The following RORA variants were observed in gnomAD, a reference collection of about 807,000 sequenced individuals.
RORA encodes the protein nuclear receptor ROR-alpha.
Under a neutral mutation model 69.5 loss-of-function variants are expected in RORA, and 7 were observed. That is an observed-to-expected ratio of 0.10 (90% CI 0.06 to 0.19). The LOEUF is 0.19. Ranked by LOEUF, RORA falls within the 10% of genes least tolerant of loss-of-function variation. The pLI, the probability that RORA is intolerant of heterozygous loss-of-function variation, is 1.00. For missense variants in RORA, 457 were observed against 663.0 expected (o/e 0.69, Z 3.41); for synonymous variants, 261 against 240.8 (o/e 1.08, Z -0.78).
rs111395193 is a variant in RORA at position 60,924,500 on chromosome 15, C to A, written c.167-245814G>T. ...TATTTATAAGTGAATATATTTCTTA[C>A]GTGCCTGTAATCATACTTCTGCTCA... On this transcript the variant is annotated intron_variant, in intron 1 of 10. Coordinates refer to ENST00000335670, the MANE Select transcript of RORA (RefSeq NM_134261.3). Among the ~76,000 whole-genome samples the A allele has an allele frequency of 2.0e-5, 3 of 151,564 alleles. No individual in the cohort carries two copies. The East Asian group carries it at 5.8e-4, about 29-fold the overall frequency.
chr15:60,748,047 C>G (rs1401662952), intron 1 of RORA, among the ~76,000 whole-genome samples: 1 of 152,060 alleles, frequency 6.6e-6, no homozygotes, highest in African/African-American at 2.4e-5. Context: ...ACTTGCTCGC[C>G]CCATGGTCTT....
intron 1 of RORA, among the ~76,000 whole-genome samples, chr15:61,083,554 A>G (rs887650908): frequency 6.6e-6 from 1 of 152,056 alleles, no homozygotes; most frequent in African/African-American, 2.4e-5. Context: ...AGCCCAATTT[A>G]AACAGACCCA....
intron 1 of RORA, among the ~76,000 whole-genome samples, chr15:61,104,054 A>C (rs1242524812): frequency 2.0e-5 from 3 of 152,214 alleles, no homozygotes; most frequent in African/African-American, 7.2e-5. Flanking sequence ...TAGATAAACA[A>C]GGCTGCATTT....
intron 1 of RORA, among the ~76,000 whole-genome samples, chr15:60,785,699 C>T (rs956077987): frequency 2.0e-5 from 3 of 152,242 alleles, no homozygotes; most frequent in Non-Finnish European, 4.4e-5. Context: ...CCTCTATCCA[C>T]AGGACCTTTG....
chr15:60,963,514 A>C (rs1893470041), intron 1 of RORA, among the ~76,000 whole-genome samples: 1 of 152,198 alleles, frequency 6.6e-6, no homozygotes, highest in Non-Finnish European at 1.5e-5. Context: ...GGTGGAAAGG[A>C]TGCTGGCATT....
Position 60,628,608 on chromosome 15 carries a change from TTAAA to T in RORA, c.196+50045_196+50048del, listed in dbSNP as rs558197571. On this transcript the variant is annotated intron_variant, in intron 2 of 10. Transcript: ENST00000335670. ...GTTATTTTTAAACACCAGCACTGAA[TTAAA>T]TACCCAGCAGGTACCACCTAGCACA... 3.2e-3 allele frequency among the ~76,000 whole-genome samples: 482 copies of T among 152,322 alleles called. 2 individuals are homozygous for T. Among genetic ancestry groups the T allele is most frequent in the Middle Eastern group, 0.01 (3 of 294 alleles).
intron 2 of RORA, among the ~76,000 whole-genome samples, chr15:60,539,698 ACCAC>A (rs1480230080): frequency 2.6e-5 from 4 of 152,174 alleles, no homozygotes; most frequent in Non-Finnish European, 1.5e-5. Flanking sequence ...AATAAATGAT[ACCAC>A]CAGGATCAGC....
At chr15:61,007,791 AC>A (rs1431780702) in intron 1 of RORA, among the ~76,000 whole-genome samples, 1 of 148,040 alleles carries the variant, frequency 6.8e-6, no homozygotes, top group Non-Finnish European at 1.5e-5. Flanking sequence ...TATATATTTA[AC>A]ATTAGGCTGT....
At chr15:60,971,115 A>C (rs1384013220) in intron 1 of RORA, among the ~76,000 whole-genome samples, 1 of 152,226 alleles carries the variant, frequency 6.6e-6, no homozygotes, top group East Asian at 1.9e-4. Context: ...AAATATGAAG[A>C]GTCCAAAATG....
chr15:61,132,440 T>C (rs999583492), intron 1 of RORA, among the ~76,000 whole-genome samples: 1 of 152,224 alleles, frequency 6.6e-6, no homozygotes, highest in Non-Finnish European at 1.5e-5. Context: ...CCCGATTTTA[T>C]AGGCATTACA....
At chr15:61,161,499 G>T (rs1435230558) in intron 1 of RORA, among the ~76,000 whole-genome samples, 1 of 152,060 alleles carries the variant, frequency 6.6e-6, no homozygotes, top group Non-Finnish European at 1.5e-5. Flanking sequence ...AGACTGGCTG[G>T]GAGAACGTAA....
chr15:60,808,406 A>T (rs904817422), intron 1 of RORA, among the ~76,000 whole-genome samples: 11 of 152,142 alleles, frequency 7.2e-5, no homozygotes, highest in South Asian at 2.1e-4. Flanking sequence ...AAAAAAATTT[A>T]AAAAATAGAT....
chr15:60,787,557 T>C (rs773781845), intron 1 of RORA, among the ~76,000 whole-genome samples: 3 of 152,198 alleles, frequency 2.0e-5, no homozygotes, highest in East Asian at 1.9e-4. Context: ...AAGGGATACA[T>C]ACAATTGTTC....
chr15:60,618,722 C>T (rs1187614919), intron 2 of RORA, among the ~76,000 whole-genome samples: 1 of 152,120 alleles, frequency 6.6e-6, no homozygotes, highest in Non-Finnish European at 1.5e-5. Context: ...TTGAGTTTTA[C>T]CTCTTAAAGA....
In RORA at chr15:60,540,569, C is replaced by CA. The variant is rs1567071330; in HGVS notation, c.197-8719_197-8718insT. Among the ~76,000 whole-genome samples, 13 of 62,576 alleles carry CA rather than the reference C, an allele frequency of 2.1e-4. No individual in the cohort carries two copies. The South Asian group carries it at 0.015, about 73-fold the overall frequency. The allele number at this position is 62,576 out of a possible 152,430, so 41.1% of individuals were successfully genotyped here. A position where few individuals can be genotyped will look rare whatever the true frequency, so the allele number is the denominator to read the frequency against. ...CCACCTGCACAATTTCCATGACCCC[C>CA]CCCCCCCAAAACTGTGCGGTCACAA... On this transcript the variant is annotated intron_variant, in intron 2 of 10. Coordinates refer to ENST00000335670, the MANE Select transcript of RORA (RefSeq NM_134261.3).
chr15:61,015,573 A>G (rs1331313146), intron 1 of RORA, among the ~76,000 whole-genome samples: 2 of 152,220 alleles, frequency 1.3e-5, no homozygotes, highest in South Asian at 4.1e-4. Flanking sequence ...TGAAGTTATT[A>G]TGTAGAAGAC....
chr15:60,902,083 A>G (rs1190832258), intron 1 of RORA, among the ~76,000 whole-genome samples: 5 of 152,228 alleles, frequency 3.3e-5, no homozygotes, highest in African/African-American at 4.8e-5. Context: ...TATGAATTAG[A>G]CAATATTATA....
At chr15:61,192,438 C>T (rs2079809379) in intron 1 of RORA, among the ~76,000 whole-genome samples, 1 of 152,170 alleles carries the variant, frequency 6.6e-6, no homozygotes, top group Admixed American at 6.5e-5. Context: ...GCACCCAAGA[C>T]CCAGGTACCC....
intron 1 of RORA, among the ~76,000 whole-genome samples, chr15:60,682,662 C>A (rs2070662456): frequency 6.6e-6 from 1 of 152,144 alleles, no homozygotes; most frequent in South Asian, 2.1e-4. Context: ...TAGCAAGTGG[C>A]TGCATTATCC....
Sources: allele counts gnomAD v4.1 joint callset (sites outside exome capture counted in the v4.1 genomes callset), GRCh38; gene constraint gnomAD v4.1.1; transcripts MANE v1.5; gene names NCBI Gene and HGNC (gene_info 2026-07-23, HGNC 2026-07-21).